Variants in OSBPL9 observed in about 807,000 individuals in gnomAD.
OSBPL9 encodes oxysterol-binding protein-related protein 9.
Under a neutral mutation model 106.6 loss-of-function variants are expected in OSBPL9, and 40 were observed. That is an observed-to-expected ratio of 0.38 (90% CI 0.29 to 0.49). The LOEUF (loss-of-function observed/expected upper bound fraction) is 0.49. Ranked by LOEUF, OSBPL9 falls within the 20% of genes least tolerant of loss-of-function variation. The probability of loss-of-function intolerance (pLI) is 0.97; values close to 1 mark genes in which losing one functional copy is unlikely to be tolerated. For missense variants in OSBPL9, 609 were observed against 887.2 expected (o/e 0.69, Z 3.98); for synonymous variants, 269 against 295.4 (o/e 0.91, Z 0.92).
At chr1:51,551,967 ATGTGTGTGTG>A in the OSBPL9 span, among the ~76,000 whole-genome samples, 3 of 145,220 alleles carry the variant, frequency 2.1e-5, no homozygotes, top group South Asian at 2.2e-4. Flanking sequence ...GTGAATAGAA[ATGTGTGTGTG>A]TGTGTGTGTG....
intron 12 of OSBPL9, among the ~76,000 whole-genome samples, chr1:51,769,872 T>C (rs138925514): frequency 6.6e-6 from 1 of 152,300 alleles, no homozygotes; most frequent in East Asian, 1.9e-4. Flanking sequence ...AAAATAAGAT[T>C]CATATGTTAT....
At chr1:51,761,734 A>G (rs1265287982) in intron 10 of OSBPL9, 133 bp from the exon 11 acceptor site, 2 of 646,450 alleles carry the variant, frequency 3.1e-6, no homozygotes, top group Non-Finnish European at 5.6e-6. Context: ...AAGGAGTAGC[A>G]TGGAACTAGA....
At chr1:51,556,898 G>A in the OSBPL9 span, among the ~76,000 whole-genome samples, 1 of 144,744 alleles carries the variant, frequency 6.9e-6, no homozygotes, top group African/African-American at 2.5e-5. Flanking sequence ...GTATTTGATA[G>A]CACAAAAGAT....
upstream of OSBPL9, among the ~76,000 whole-genome samples, chr1:51,573,285 G>A (rs1250547161): frequency 1.3e-5 from 2 of 151,558 alleles, no homozygotes; most frequent in East Asian, 3.9e-4. Context: ...GAGGCAGACA[G>A]ATCACCTGAG....
chr1:51,565,363 C>T, the OSBPL9 span, among the ~76,000 whole-genome samples: 1 of 152,186 alleles, frequency 6.6e-6, no homozygotes, highest in Non-Finnish European at 1.5e-5. Context: ...TATTTCCTAA[C>T]TAACCACTGT....
chr1:51,677,582 A>G (rs72898032), intron 3 of OSBPL9, among the ~76,000 whole-genome samples: 18,865 of 151,170 alleles, frequency 0.12, 1,294 homozygotes, highest in Middle Eastern at 0.22. Flanking sequence ...AGTCTCGCCC[A>G]GGCTTGTCGC....
intron 7 of OSBPL9, chr1:51,749,609 C>A: frequency 6.8e-6 from 2 of 294,112 alleles, no homozygotes; most frequent in South Asian, 5.9e-5. Flanking sequence ...CCATACCCAG[C>A]CTATCAGTGT....
In OSBPL9 at chr1:51,745,520, A is replaced by C; in HGVS notation, c.319-16A>C. On this transcript the variant is annotated splice_polypyrimidine_tract_variant and intron_variant, in intron 4 of 23. Coordinates refer to ENST00000428468, the MANE Select transcript of OSBPL9 (RefSeq NM_024586.6). Reference sequence around the variant, plus strand: ...CTTGGGTTCTGGTAGATTTATTGCAAATTCTCTTTCTCTAGGGTTTGGATT... The same window carrying C: ...CTTGGGTTCTGGTAGATTTATTGCACATTCTCTTTCTCTAGGGTTTGGATT... The C allele has an allele frequency of 1.2e-6, 2 of 1,609,230 alleles. No individual in the cohort carries two copies. The highest frequency in any genetic ancestry group is 1.7e-6 in the Non-Finnish European group (2 of 1,177,462).
chr1:51,742,456 T>G (rs1667129122), intron 4 of OSBPL9, among the ~76,000 whole-genome samples: 1 of 152,064 alleles, frequency 6.6e-6, no homozygotes, highest in Non-Finnish European at 1.5e-5. Context: ...GCCCACACCT[T>G]GTAATCTCAG....
At chr1:51,574,556 T>A (rs1645172446), upstream of OSBPL9, among the ~76,000 whole-genome samples, 1 of 152,032 alleles carries the variant, frequency 6.6e-6, no homozygotes, top group African/African-American at 2.4e-5. Context: ...GAGGCAGAGG[T>A]TGCAGTGAGC....
intron 4 of OSBPL9, chr1:51,730,265 T>A: frequency 1.3e-6 from 1 of 768,336 alleles, no homozygotes; most frequent in Non-Finnish European, 1.8e-6. Context: ...TTGGAGGAGG[T>A]CTCTTTTTTT....
chr1:51,523,047 A>G, the OSBPL9 span, among the ~76,000 whole-genome samples: 33 of 152,116 alleles, frequency 2.2e-4, no homozygotes, highest in African/African-American at 7.7e-4. Context: ...GCATGAGCCC[A>G]GGAGTTCAAG....
At chr1:51,671,216 CTG>C (rs1447128174) in intron 3 of OSBPL9, among the ~76,000 whole-genome samples, 1 of 151,860 alleles carries the variant, frequency 6.6e-6, no homozygotes, top group Non-Finnish European at 1.5e-5. Context: ...CTTGGTAAGA[CTG>C]TATTTTTTTT....
intron 1 of OSBPL9, among the ~76,000 whole-genome samples, chr1:51,643,920 G>A (rs573654020): frequency 4.8e-5 from 7 of 147,270 alleles, no homozygotes; most frequent in African/African-American, 1.5e-4. Flanking sequence ...TCTCTACAAG[G>A]AAAAAAAAAA....
chr1:51,572,120 T>C, the OSBPL9 span, among the ~76,000 whole-genome samples: 106 of 152,324 alleles, frequency 7.0e-4, no homozygotes, highest in African/African-American at 2.3e-3. Context: ...AGAGTGGATT[T>C]AAAATTTAAG....
intron 1 of OSBPL9, among the ~76,000 whole-genome samples, chr1:51,625,765 C>G (rs978068287): frequency 2.0e-5 from 3 of 152,098 alleles, no homozygotes; most frequent in African/African-American, 7.2e-5. Context: ...CTTAAGCAAT[C>G]CACCCTCCTC....
chr1:51,557,461 T>C, the OSBPL9 span, among the ~76,000 whole-genome samples: 2 of 152,312 alleles, frequency 1.3e-5, no homozygotes, highest in East Asian at 3.9e-4. Flanking sequence ...GTCTTTTTAG[T>C]GCCCCTTTGC....
chr1:51,600,154 C>A (rs1047744407), intron 2 of OSBPL9, among the ~76,000 whole-genome samples: 46 of 152,228 alleles, frequency 3.0e-4, no homozygotes, highest in African/African-American at 1.1e-3. Flanking sequence ...GGGACACTTA[C>A]ATTCAAACCG....
chr1:51,580,854 T>C (rs1361848070), intron 1 of OSBPL9, among the ~76,000 whole-genome samples: 17 of 127,742 alleles, frequency 1.3e-4, no homozygotes, highest in Non-Finnish European at 3.3e-5. Flanking sequence ...GAGATGACCA[T>C]TGTTAACATT....
Sources: gnomAD v4.1 joint callset for allele counts (sites outside exome capture counted in the v4.1 genomes callset) on GRCh38, gnomAD v4.1.1 for gene constraint, MANE v1.5 for transcripts, NCBI Gene and HGNC (gene_info 2026-07-23, HGNC 2026-07-21) for gene names.